Variants in FGD3 observed in about 807,000 individuals in gnomAD.
FGD3 encodes FYVE, RhoGEF and PH domain-containing protein 3.
FGD3 carries 45 observed loss-of-function variants against 71.8 expected under a neutral mutation model. The ratio of observed to expected loss-of-function variants is 0.63; its 90% confidence interval spans 0.49 to 0.80. FGD3 has a LOEUF of 0.80. Ranked by LOEUF, FGD3 falls within the 30% of genes least tolerant of loss-of-function variation. The pLI is 0.00. For missense variants in FGD3, 844 were observed against 951.5 expected, an observed-to-expected ratio of 0.89 and a Z score of 1.49; for synonymous variants, 378 against 392.8, an observed-to-expected ratio of 0.96 and a Z score of 0.44.
intron 1 of FGD3, among the ~76,000 whole-genome samples, chr9:92,955,723 T>C (rs184501841): frequency 0.012 from 1,864 of 152,348 alleles, 23 homozygotes; most frequent in Non-Finnish European, 0.021. Flanking sequence ...GGCCCTTTGA[T>C]GTCCACCTGC....
In FGD3 at chr9:93,003,917, G is replaced by C; in HGVS notation, c.544-84G>C. 6.4e-7 allele frequency: 1 copy of C among 1,551,524 alleles called. No individual in the cohort carries two copies. The highest frequency in any genetic ancestry group is 1.4e-5 in the African/African-American group (1 of 73,762). ...GTGGCAGCAGCGGCCCCTCCCGAGCGCCCTCACCTGTGGCCGAAGCGGGGC... is the reference window on the plus strand; with the variant it reads ...GTGGCAGCAGCGGCCCCTCCCGAGCCCCCTCACCTGTGGCCGAAGCGGGGC... On this transcript the variant is annotated intron_variant, in intron 4 of 17. Transcript: ENST00000375482. The surrounding 1 kb of genome is among the most constrained non-coding windows in gnomAD (Gnocchi z 4.1).
chr9:92,961,346 G>A (rs549681458), intron 1 of FGD3, among the ~76,000 whole-genome samples: 3 of 152,306 alleles, frequency 2.0e-5, no homozygotes, highest in African/African-American at 7.2e-5. Flanking sequence ...AGTTATTCAA[G>A]GGCTTTGAGA....
At chr9:93,024,734 G>C (rs971141809) in intron 14 of FGD3, among the ~76,000 whole-genome samples, 4 of 152,254 alleles carry the variant, frequency 2.6e-5, no homozygotes, top group Non-Finnish European at 5.9e-5. Flanking sequence ...CAGGAGCCCA[G>C]GCCTGGCTGA....
rs7026999 is a variant in FGD3 at position 93,029,103 on chromosome 9, C to T, written c.1558-771C>T. Among the ~76,000 whole-genome samples the T allele has an allele frequency of 6.2e-3, 890 of 143,490 alleles. 13 individuals are homozygous for T. The highest frequency in any genetic ancestry group is 0.021 in the African/African-American group (845 of 39,594). The allele number at this position is 143,490 out of a possible 152,430, so 94.1% of individuals were successfully genotyped here. ...GGCGGGATCTCAGTTCACTGCATCACTGCAACCAACCTCCGCCTCCTGGGT... is the reference window on the plus strand; with the variant it reads ...GGCGGGATCTCAGTTCACTGCATCATTGCAACCAACCTCCGCCTCCTGGGT... On this transcript the variant is annotated intron_variant, in intron 14 of 17. Coordinates refer to ENST00000375482, the MANE Select transcript of FGD3 (RefSeq NM_001083536.2).
intron 1 of FGD3, among the ~76,000 whole-genome samples, chr9:92,973,465 C>T (rs1859612456): frequency 6.6e-6 from 1 of 152,090 alleles, no homozygotes; most frequent in Admixed American, 6.5e-5. Flanking sequence ...TTTTACCTTG[C>T]CATGCACTAG....
chr9:93,035,672 G>A lies in FGD3; in HGVS notation c.*83G>A, dbSNP rs958774447. 2.4e-5 allele frequency: 36 copies of A among 1,486,088 alleles called. No individual in the cohort carries two copies. The highest frequency in any genetic ancestry group is 1.1e-4 in the African/African-American group (8 of 71,636). 92.1% of individuals were successfully genotyped at this position (1,486,088 alleles called of 1,614,324 possible). ...TGGTGTTGGAGGCCCCATGAAGAGC[G>A]CCCTGGACTGCTGAGGGTGGGCCAA... On this transcript the variant is annotated 3_prime_UTR_variant, in exon 18 of 18. Coordinates refer to ENST00000375482, the MANE Select transcript of FGD3 (RefSeq NM_001083536.2).
At chr9:93,023,541 G>A (rs749567419) in intron 14 of FGD3, among the ~76,000 whole-genome samples, 1 of 152,158 alleles carries the variant, frequency 6.6e-6, no homozygotes, top group African/African-American at 2.4e-5. Flanking sequence ...GTCTGACACG[G>A]GGTGGGCAGC....
At chr9:92,983,366 CA>C (rs950007172) in intron 3 of FGD3, among the ~76,000 whole-genome samples, 17 of 149,410 alleles carry the variant, frequency 1.1e-4, no homozygotes, top group African/African-American at 3.9e-4. Flanking sequence ...ACTAAAAATA[CA>C]AAAAAAAATT....
chr9:93,002,503 C>A (rs1286987995), intron 3 of FGD3, among the ~76,000 whole-genome samples: 1 of 151,978 alleles, frequency 6.6e-6, no homozygotes, highest in African/African-American at 2.4e-5. Flanking sequence ...GCTTGCCAAA[C>A]ATCACCAATT....
chr9:93,012,693 G>T (rs905497370), intron 8 of FGD3, among the ~76,000 whole-genome samples: 14 of 96,798 alleles, frequency 1.4e-4, no homozygotes, highest in Admixed American at 3.1e-4. Flanking sequence ...GTGGCGGGGT[G>T]TGGGGGGGGG....
In FGD3 at chr9:93,006,189, G is replaced by A. The variant is rs190923777; in HGVS notation, c.837+9G>A. 8.6e-5 allele frequency: 133 copies of A among 1,548,032 alleles called. No homozygotes were observed. The African/African-American group carries it at 1.5e-3, about 17-fold the overall frequency. On this transcript the variant is annotated intron_variant, in intron 6 of 17. Coordinates refer to ENST00000375482, the MANE Select transcript of FGD3 (RefSeq NM_001083536.2). ...TCGTCCACAGCATCCAGGTAAGGCC[G>A]GCAGTGGGAGTGTGGACACAGATGT...
intron 3 of FGD3, among the ~76,000 whole-genome samples, chr9:92,977,211 A>T (rs1313279381): frequency 6.6e-6 from 1 of 152,094 alleles, no homozygotes; most frequent in Admixed American, 6.5e-5. Flanking sequence ...GTGGGGCAGG[A>T]CCTGTGAGGC....
chr9:93,031,263 G>A (rs1862347141), intron 15 of FGD3, among the ~76,000 whole-genome samples: 2 of 152,204 alleles, frequency 1.3e-5, no homozygotes, highest in South Asian at 4.1e-4. Flanking sequence ...TCAGACCTGA[G>A]GAGAGAATCT....
chr9:93,031,789 A>C (rs7024692), intron 15 of FGD3, among the ~76,000 whole-genome samples: 7 of 152,004 alleles, frequency 4.6e-5, no homozygotes, highest in African/African-American at 1.7e-4. Flanking sequence ...TACGTGGGGC[A>C]GGATGGAACA....
chr9:92,973,939 C>T (rs1004768400), intron 1 of FGD3, among the ~76,000 whole-genome samples: 2 of 152,242 alleles, frequency 1.3e-5, no homozygotes, highest in Non-Finnish European at 2.9e-5. Flanking sequence ...CACTGGGCCC[C>T]ACAGGGCTTC....
chr9:92,965,612 C>T (rs190041516), intron 1 of FGD3, among the ~76,000 whole-genome samples: 3 of 152,298 alleles, frequency 2.0e-5, no homozygotes, highest in Admixed American at 6.5e-5. Context: ...GACACGAGGC[C>T]GAGTGCCCTG....
intron 14 of FGD3, among the ~76,000 whole-genome samples, chr9:93,026,150 C>A (rs1862106250): frequency 6.6e-6 from 1 of 152,192 alleles, no homozygotes. Context: ...AGAAAAAATG[C>A]TGGAGGGGGC....
At chr9:93,002,448 G>C (rs1417729185) in intron 3 of FGD3, among the ~76,000 whole-genome samples, 2 of 152,140 alleles carry the variant, frequency 1.3e-5, no homozygotes, top group Admixed American at 1.3e-4. Flanking sequence ...AAACTAGCTG[G>C]ACATGGTGGT....
intron 3 of FGD3, among the ~76,000 whole-genome samples, chr9:92,981,747 T>A (rs1397024227): frequency 2.6e-5 from 4 of 152,366 alleles, no homozygotes; most frequent in Non-Finnish European, 2.9e-5. Context: ...TATTTATAAC[T>A]GTCACATCTT....
Sources: gnomAD v4.1 joint callset for allele counts (sites outside exome capture counted in the v4.1 genomes callset) on GRCh38, gnomAD v4.1.1 for gene constraint, Gnocchi (gnomAD v3.1) non-coding constraint, MANE v1.5 for transcripts, NCBI Gene and HGNC (gene_info 2026-07-23, HGNC 2026-07-21) for gene names.